The following RASA4B variants were observed in gnomAD, a reference collection of about 807,000 sequenced individuals.
The protein encoded by RASA4B is RAS p21 protein activator 4B.
In RASA4B, 2 loss-of-function variants were observed where a neutral mutation model predicts 24.2. The observed-to-expected ratio is 0.08, with a 90% CI of 0.03 to 0.26. The LOEUF (loss-of-function observed/expected upper bound fraction) is 0.26. Among genes scored for constraint, RASA4B ranks in the 10% least tolerant of loss-of-function variants. RASA4B has a pLI of 1.00. For synonymous variants in RASA4B, 2 were observed against 125.6 expected, an observed-to-expected ratio of 0.02 and a Z score of 6.58; for missense variants, 8 against 277.2, an observed-to-expected ratio of 0.03 and a Z score of 6.90.
intron 8 of RASA4B, among the ~76,000 whole-genome samples, chr7:102,498,666 C>CAGCCTCCCA (rs1410985691): frequency 0.05 from 4,016 of 80,554 alleles, 4 homozygotes; most frequent in African/African-American, 0.059. Context: ...TATCCTGCTT[C>CAGCCTCCCA]AGTAGCTTGG....
intron 5 of RASA4B, among the ~76,000 whole-genome samples, chr7:102,504,709 A>T (rs1799437392): frequency 6.8e-6 from 1 of 147,990 alleles, no homozygotes; most frequent in Admixed American, 6.9e-5. Context: ...ACCAAAAAAA[A>T]AAAAAACAGC....
intron 2 of RASA4B, among the ~76,000 whole-genome samples, chr7:102,511,309 C>CA (rs1799692128): frequency 1.7e-5 from 1 of 60,280 alleles, no homozygotes; most frequent in Non-Finnish European, 3.7e-5. Context: ...TCATGGGGAC[C>CA]ATGGAGGAAG....
At chr7:102,496,119 C>T (rs1313346247) in intron 11 of RASA4B, 21 bp downstream of exon 11, 3 of 1,613,744 alleles carry the variant, frequency 1.9e-6, no homozygotes, top group Non-Finnish European at 2.5e-6. Flanking sequence ...AAGATGAGGA[C>T]AATATAGCAT....
In RASA4B at chr7:102,481,214, CTT is replaced by C. The variant is rs538913748; in HGVS notation, c.*2376_*2377del. Among the ~76,000 whole-genome samples the C allele has an allele frequency of 2.3e-4, 15 of 64,812 alleles. 1 individual carries two copies. The highest frequency in any genetic ancestry group is 1.4e-3 in the East Asian group (2 of 1,436). The allele number at this position is 64,812 out of a possible 152,430, so 42.5% of individuals were successfully genotyped here. Reference sequence around the variant, plus strand: ...AAATTTCAAGTCTCCTTTATTTTCCCTTTTTTTTTTTTTTTTTTTTAATTTTA... The same window carrying C: ...AAATTTCAAGTCTCCTTTATTTTCCCTTTTTTTTTTTTTTTTTTAATTTTA... On this transcript the variant is annotated 3_prime_UTR_variant, in exon 21 of 21. Coordinates refer to ENST00000465829, the MANE Select transcript of RASA4B (RefSeq NM_001367767.2).
intron 2 of RASA4B, among the ~76,000 whole-genome samples, chr7:102,511,559 A>C (rs1408806548): frequency 8.3e-5 from 8 of 96,764 alleles, no homozygotes; most frequent in Non-Finnish European, 1.8e-4. Flanking sequence ...CTTGTCTGTA[A>C]ATGGGGTCTA....
chr7:102,500,499 T>A (rs1346828741), intron 8 of RASA4B, among the ~76,000 whole-genome samples, 200 bp downstream of exon 8: 1 of 143,232 alleles, frequency 7.0e-6, no homozygotes, highest in Non-Finnish European at 1.6e-5. Context: ...AATAAATAAA[T>A]AATAAATAAA....
At chr7:102,489,605 G>A (rs1214711569) in intron 17 of RASA4B, among the ~76,000 whole-genome samples, 47 of 148,674 alleles carry the variant, frequency 3.2e-4, no homozygotes, top group Admixed American at 1.3e-3. Flanking sequence ...CGATTCTCCT[G>A]CCTCAGCCCC....
At chr7:102,498,686 G>A (rs1586773798) in intron 8 of RASA4B, among the ~76,000 whole-genome samples, 3 of 95,818 alleles carry the variant, frequency 3.1e-5, no homozygotes, top group Admixed American at 2.4e-4. Context: ...GATTACAGGT[G>A]CCCACCACCA....
chr7:102,492,705 C>CA (rs1798996557), intron 16 of RASA4B, among the ~76,000 whole-genome samples: 1 of 129,178 alleles, frequency 7.7e-6, no homozygotes, highest in Non-Finnish European at 1.8e-5. Flanking sequence ...TGCTCTGTTG[C>CA]CCAGGTTGGA....
chr7:102,499,193 A>AATAT (rs772277888), intron 8 of RASA4B, among the ~76,000 whole-genome samples: 24,251 of 98,842 alleles, frequency 0.25, 1,956 homozygotes, highest in East Asian at 0.51. Context: ...TCAAAAAAAA[A>AATAT]ATATATATAT....
chr7:102,504,670 A>G (rs1799432362), intron 5 of RASA4B, among the ~76,000 whole-genome samples: 1 of 115,324 alleles, frequency 8.7e-6, no homozygotes, highest in Non-Finnish European at 1.7e-5. Context: ...CGACAGAGCC[A>G]GACTGCCTCA....
chr7:102,496,582 G>A lies in RASA4B; in HGVS notation c.893C>T (p.Thr298Ile). 1 of 1,090,832 alleles carries A rather than the reference G, an allele frequency of 9.2e-7. No individual in the cohort carries two copies. Among genetic ancestry groups the A allele is most frequent in the Non-Finnish European group, 1.3e-6 (1 of 754,430 alleles). 67.6% of individuals were successfully genotyped at this position (1,090,832 alleles called of 1,614,324 possible). The stretch of plus-strand genomic sequence containing the variant: ...CACGTCCTGGCGACACTCGGTGCTG[G>A]TTGTCTCCTCGATGAGTGGGATCAG... The part of the protein sequence containing the change: ...GQLIPLIEET[T>I]STECRQDVAT... Residue 298 changes from threonine to isoleucine, a missense_variant, in exon 10 of 21, where the codon ACC becomes ATC. Thr to Ile is a moderately conservative substitution (Grantham distance 89). Transcript: ENST00000465829.
chr7:102,490,735 A>C (rs28688258), intron 17 of RASA4B, among the ~76,000 whole-genome samples: 2 of 149,590 alleles, frequency 1.3e-5, no homozygotes, highest in East Asian at 1.9e-4. Flanking sequence ...CAGCCAGGCC[A>C]CTCCCACAGA....
intron 18 of RASA4B, among the ~76,000 whole-genome samples, chr7:102,487,005 C>G (rs1365764683): frequency 3.4e-5 from 1 of 29,670 alleles, no homozygotes; most frequent in African/African-American, 6.1e-5. Context: ...ATGTGAAACT[C>G]AGGCCAGATG....
chr7:102,489,712 C>A (rs1798849390), intron 17 of RASA4B, among the ~76,000 whole-genome samples: 1 of 148,456 alleles, frequency 6.7e-6, no homozygotes, highest in South Asian at 2.2e-4. Context: ...CCCTGCTATA[C>A]CCCACTCTCT....
intron 5 of RASA4B, among the ~76,000 whole-genome samples, chr7:102,504,589 G>A (rs1799428511): frequency 2.6e-5 from 1 of 38,692 alleles, no homozygotes; most frequent in Non-Finnish European, 5.8e-5. Context: ...GCTGAGGCAG[G>A]AGGATTGCTT....
intron 17 of RASA4B, among the ~76,000 whole-genome samples, chr7:102,490,648 G>C: frequency 6.6e-6 from 1 of 152,232 alleles, no homozygotes; most frequent in Non-Finnish European, 1.5e-5. Context: ...ACCCTGCGGT[G>C]CCTGATGTAG....
chr7:102,511,375 G>A (rs1425212737), intron 2 of RASA4B, among the ~76,000 whole-genome samples: 2 of 88,038 alleles, frequency 2.3e-5, no homozygotes, highest in Non-Finnish European at 4.9e-5. Flanking sequence ...CCAGCCTCGA[G>A]GGATATTACT....
intron 17 of RASA4B, among the ~76,000 whole-genome samples, chr7:102,490,677 G>A (rs1164054929): frequency 6.6e-6 from 1 of 152,242 alleles, no homozygotes; most frequent in East Asian, 1.9e-4. Flanking sequence ...GGGGCGAGAG[G>A]CTCAATCAAC....
Sources: gnomAD v4.1 joint callset for allele counts (sites outside exome capture counted in the v4.1 genomes callset) on GRCh38, gnomAD v4.1.1 for gene constraint, MANE v1.5 for transcripts, NCBI Gene and HGNC (gene_info 2026-07-23, HGNC 2026-07-21) for gene names.